Variants in SLC9A8 observed in about 807,000 individuals in gnomAD.
The protein encoded by SLC9A8 is solute carrier family 9 member A8.
SLC9A8 carries 48 observed loss-of-function variants against 66.6 expected under a neutral mutation model. The ratio of observed to expected loss-of-function variants is 0.72; its 90% CI spans 0.57 to 0.92. The LOEUF (loss-of-function observed/expected upper bound fraction) is 0.92. Among genes scored for constraint, SLC9A8 ranks in the 40% least tolerant of loss-of-function variants. The pLI, the probability that SLC9A8 is intolerant of heterozygous loss-of-function variation, is 0.00. For missense variants in SLC9A8, 599 were observed against 747.3 expected, an observed-to-expected ratio of 0.80 and a Z score of 2.31; for synonymous variants, 274 against 282.6, an observed-to-expected ratio of 0.97 and a Z score of 0.31.
chr20:49,846,422 T>G (rs1221156622), intron 5 of SLC9A8, among the ~76,000 whole-genome samples: 1 of 151,412 alleles, frequency 6.6e-6, no homozygotes, highest in Non-Finnish European at 1.5e-5. Flanking sequence ...CCCTACAGGT[T>G]TCTTTTTGGT....
At position 49,886,810 on chromosome 20, in the gene SLC9A8, A is replaced by G. The variant is rs141479413; in HGVS notation, c.1550A>G (p.His517Arg). The G allele has an allele frequency of 9.3e-6, 15 of 1,614,184 alleles. No individual in the cohort carries two copies. In the African/African-American group the frequency reaches 2.0e-4, roughly 22 times the overall value. ...SELTEEEYEA[H>R]YIRRQDLKGF... Reference sequence around the variant, plus strand: ...CTCACGGAGGAGGAGTACGAGGCCCACTACATCAGGCGGCAGGACCTTAAG... The same window carrying G: ...CTCACGGAGGAGGAGTACGAGGCCCGCTACATCAGGCGGCAGGACCTTAAG... Residue 517 changes from histidine (H) to arginine (R), a missense_variant, in exon 15 of 16, where the codon CAC (histidine) becomes CGC (arginine). Coordinates refer to ENST00000361573, the MANE Select transcript of SLC9A8 (RefSeq NM_015266.3). This position sits in a 1 kb window ranked among gnomAD's most constrained non-coding sequence, Gnocchi z 4.8.
At chr20:49,853,460 C>T (rs2146628517) in intron 7 of SLC9A8, among the ~76,000 whole-genome samples, 1 of 152,334 alleles carries the variant, frequency 6.6e-6, no homozygotes, top group Admixed American at 6.5e-5. Context: ...ACTTTTTAGA[C>T]ATCATCCTCC....
chr20:49,820,382 G>T (rs1180050962), intron 2 of SLC9A8, among the ~76,000 whole-genome samples: 1 of 151,992 alleles, frequency 6.6e-6, no homozygotes, highest in Non-Finnish European at 1.5e-5. Flanking sequence ...TATAATCCCA[G>T]CTATTCGGGA....
At chr20:49,849,469 G>T in intron 5 of SLC9A8, 110 bp from the exon 6 acceptor site, 1 of 797,308 alleles carries the variant, frequency 1.3e-6, no homozygotes, top group Non-Finnish European at 2.1e-6. Flanking sequence ...GGGCAGTGGT[G>T]CCTTTTACAG....
rs868599626 is a variant in SLC9A8, at chr20:49,883,073, C to T, written c.1271-773C>T. On this transcript the variant is annotated intron_variant, in intron 13 of 15. Transcript: ENST00000361573. ...ATTTCACACCCCTTATTTGCTGTGCCTCCTCCCAGCTGCTCTAGGAGCTCC... is the reference window on the plus strand; with the variant it reads ...ATTTCACACCCCTTATTTGCTGTGCTTCCTCCCAGCTGCTCTAGGAGCTCC... Among the ~76,000 whole-genome samples the T allele has an allele frequency of 3.5e-5, 5 of 142,422 alleles. No individual in the cohort carries two copies. In the Middle Eastern group the frequency reaches 0.012, roughly 329 times the overall value. 93.4% of individuals were successfully genotyped at this position (142,422 alleles called of 152,430 possible). A position where few individuals can be genotyped will look rare whatever the true frequency, so the allele number is the denominator to read the frequency against.
chr20:49,878,076 CTTT>C lies in SLC9A8; in HGVS notation c.1158+22_1158+24del. ...CATCTGGTGCATAGTAAGTATTTTC[CTTT>C]TTTTTTTTAAATTTAATTACTTATT... is the stretch of plus-strand genomic sequence containing the variant. On this transcript the variant is annotated intron_variant, in intron 12 of 15. Coordinates refer to ENST00000361573, the MANE Select transcript of SLC9A8 (RefSeq NM_015266.3). The C allele has an allele frequency of 1.7e-6, 2 of 1,194,746 alleles. No homozygotes were observed. The highest frequency in any genetic ancestry group is 2.3e-6 in the Non-Finnish European group (2 of 881,934). 74.0% of individuals were successfully genotyped at this position (1,194,746 alleles called of 1,614,324 possible). A position where few individuals can be genotyped will look rare whatever the true frequency, so the allele number is the denominator to read the frequency against.
chr20:49,879,707 C>T (rs1377392230), intron 12 of SLC9A8, among the ~76,000 whole-genome samples: 1 of 151,764 alleles, frequency 6.6e-6, no homozygotes, highest in Non-Finnish European at 1.5e-5. Context: ...CGCCTGTAAT[C>T]CCAGCTACTA....
At chr20:49,868,253 G>C (rs2089057342) in intron 10 of SLC9A8, among the ~76,000 whole-genome samples, 1 of 152,234 alleles carries the variant, frequency 6.6e-6, no homozygotes, top group Admixed American at 6.5e-5. Flanking sequence ...AGTGTTTCCT[G>C]TTGAGAGGGG....
intron 7 of SLC9A8, among the ~76,000 whole-genome samples, chr20:49,852,546 C>T (rs573837507): frequency 6.4e-4 from 98 of 152,210 alleles, no homozygotes; most frequent in Non-Finnish European, 1.1e-3. Context: ...AATTATTTCG[C>T]TGCCTTAGTT....
intron 8 of SLC9A8, among the ~76,000 whole-genome samples, chr20:49,858,306 A>C (rs142903085): frequency 5.7e-4 from 87 of 151,628 alleles, no homozygotes; most frequent in Non-Finnish European, 1.1e-3. Context: ...CAAGACCTTT[A>C]AAAAATCCAA....
intron 1 of SLC9A8, among the ~76,000 whole-genome samples, chr20:49,814,111 A>G (rs932969743): frequency 2.0e-5 from 3 of 152,144 alleles, no homozygotes; most frequent in African/African-American, 7.2e-5. Flanking sequence ...TCAGTTATTT[A>G]TTGAGCAGCT....
intron 3 of SLC9A8, among the ~76,000 whole-genome samples, chr20:49,836,917 A>G (rs1314636897): frequency 2.0e-5 from 3 of 152,212 alleles, no homozygotes; most frequent in Non-Finnish European, 4.4e-5. Flanking sequence ...GCTAAAGGGA[A>G]AGGTCAATCT....
chr20:49,814,545 G>A (rs1460573947), intron 1 of SLC9A8, among the ~76,000 whole-genome samples: 1 of 152,116 alleles, frequency 6.6e-6, no homozygotes. Context: ...ATCTGAGAGG[G>A]ATTTTGTAAA....
chr20:49,842,904 C>T (rs924851419), intron 4 of SLC9A8, among the ~76,000 whole-genome samples: 20 of 152,268 alleles, frequency 1.3e-4, no homozygotes, highest in African/African-American at 4.1e-4. Context: ...CTGGTGGCCC[C>T]GGTTTTCCTT....
In SLC9A8 at chr20:49,855,594, G is replaced by C; in HGVS notation, c.713+13G>C. ...TTGTTCTGACCAAGTAAGTACGGGG[G>C]CAGAGAACAGACTTTTTTCATGTGA... On this transcript the variant is annotated intron_variant, in intron 8 of 15. Coordinates refer to ENST00000361573, the MANE Select transcript of SLC9A8 (RefSeq NM_015266.3). 6.2e-7 allele frequency: 1 copy of C among 1,611,580 alleles called. No homozygotes were observed.
chr20:49,873,349 G>C (rs1281292373), intron 10 of SLC9A8, among the ~76,000 whole-genome samples: 1 of 151,948 alleles, frequency 6.6e-6, no homozygotes, highest in African/African-American at 2.4e-5. Context: ...GGGCGTGGTG[G>C]TATGTGCCTG....
chr20:49,866,235 G>A (rs2088958882), intron 10 of SLC9A8, among the ~76,000 whole-genome samples: 1 of 152,160 alleles, frequency 6.6e-6, no homozygotes, highest in Non-Finnish European at 1.5e-5. Context: ...GTTTTTGAGA[G>A]ACATCCGTGT....
At chr20:49,847,874 G>A (rs1302803286) in intron 5 of SLC9A8, among the ~76,000 whole-genome samples, 1 of 148,266 alleles carries the variant, frequency 6.7e-6, no homozygotes, top group Admixed American at 6.7e-5. Flanking sequence ...ATCAACATTA[G>A]ATCTCTGCAA....
At chr20:49,850,352 A>G (rs916886682) in intron 6 of SLC9A8, among the ~76,000 whole-genome samples, 1 of 152,216 alleles carries the variant, frequency 6.6e-6, no homozygotes, top group African/African-American at 2.4e-5. Flanking sequence ...AGTTGCAGAA[A>G]GTTTGCCTGT....
Sources: gnomAD v4.1 joint callset for allele counts (sites outside exome capture counted in the v4.1 genomes callset) on GRCh38, gnomAD v4.1.1 for gene constraint, Gnocchi (gnomAD v3.1) non-coding constraint, MANE v1.5 for transcripts, NCBI Gene and HGNC (gene_info 2026-07-23, HGNC 2026-07-21) for gene names.